The following SALL3 variants were observed in gnomAD, a reference collection of about 807,000 sequenced individuals.
SALL3 encodes the protein spalt like transcription factor 3.
SALL3 carries 25 observed loss-of-function variants against 66.2 expected under a neutral mutation model. That is an observed-to-expected ratio of 0.38 (90% CI 0.28 to 0.53). SALL3 has a LOEUF of 0.53. SALL3 is among the 20% of genes least tolerant of loss of function. The pLI, the probability that SALL3 is intolerant of heterozygous loss-of-function variation, is 0.85. For synonymous variants in SALL3, 1,152 were observed against 899.1 expected (o/e 1.28, Z -5.03); for missense variants, 2,194 against 1,916.5 (o/e 1.14, Z -2.70).
chr18:78,994,817 C>G lies in SALL3; in HGVS notation c.2826C>G (p.Ala942=). ...AGACCGAGAGGCCGGACAGCCCAGC[C>G]GCCGCCCCGGGCAGCGGAGGCGCCC... ...PLKTERPDSP[A]AAPGSGGAPG... Residue 942 remains alanine (A), a synonymous_variant, in exon 2 of 3, where the codon GCC becomes GCG. Transcript: ENST00000537592. 1 of 1,595,474 alleles carries G rather than the reference C, an allele frequency of 6.3e-7. No homozygotes were observed. The highest frequency in any genetic ancestry group is 8.5e-7 in the Non-Finnish European group (1 of 1,172,346).
chr18:78,985,706 T>C (rs991857277), intron 1 of SALL3, among the ~76,000 whole-genome samples: 8 of 152,218 alleles, frequency 5.3e-5, no homozygotes, highest in African/African-American at 1.9e-4. Context: ...CATGTGCCCC[T>C]CTAGAGCTAT....
In SALL3 at chr18:78,997,230, A is replaced by G. The variant is rs768661573; in HGVS notation, c.3811A>G (p.Ile1271Val). The change falls in exon 3 of 3, where the codon ATC becomes GTC. Residue 1271 changes from isoleucine (I) to valine (V), a missense_variant. Coordinates refer to ENST00000537592, the MANE Select transcript of SALL3 (RefSeq NM_171999.4). ...AGCACGCACTGGCAGTAGCCCACCC[A>G]TCGTCAGCTTGGACAAAGCGAGCTC... is the stretch of plus-strand genomic sequence containing the variant. ...DKARTGSSPP[I>V]VSLDKASSET... 4.3e-6 allele frequency: 7 copies of G among 1,613,850 alleles called. No homozygotes were observed. The Admixed American group carries it at 1.0e-4, about 23-fold the overall frequency.
Position 78,993,540 on chromosome 18 carries a change from C to A in SALL3, c.1549C>A (p.Pro517Thr). ...CGTGACCACCTGGCTGGACAGCAAG[C>A]CCGTGCTGCCCACCGTGCCCACGTC... is the stretch of plus-strand genomic sequence containing the variant. Reference protein sequence around the residue: ...KPVTTWLDSKPVLPTVPTSVG... With the variant: ...KPVTTWLDSKTVLPTVPTSVG... Residue 517 changes from proline (P) to threonine (T), a missense_variant, in exon 2 of 3, where the codon CCC becomes ACC. By Grantham distance (38) the Pro-to-Thr change is conservative. Transcript: ENST00000537592. 1 of 1,594,946 alleles carries A rather than the reference C, an allele frequency of 6.3e-7. No homozygotes were observed. The highest frequency in any genetic ancestry group is 8.5e-7 in the Non-Finnish European group (1 of 1,173,762).
At chr18:78,985,428 G>A (rs932553193) in intron 1 of SALL3, among the ~76,000 whole-genome samples, 5 of 152,214 alleles carry the variant, frequency 3.3e-5, no homozygotes, top group Non-Finnish European at 7.3e-5. Flanking sequence ...ATTCGTCGGC[G>A]TTACTGGTCT....
chr18:78,980,447 C>A (rs1214318868), intron 1 of SALL3, 91 bp downstream of exon 1: 11 of 760,072 alleles, frequency 1.4e-5, no homozygotes, highest in African/African-American at 1.3e-4. Context: ...TGCGCGCGTC[C>A]GGGAGCGGGA....
Position 78,992,874 on chromosome 18 carries a change from C to G in SALL3, c.883C>G (p.Pro295Ala). The change falls in exon 2 of 3, where the codon CCC becomes GCC. Residue 295 changes from proline to alanine, a missense_variant. Coordinates refer to ENST00000537592, the MANE Select transcript of SALL3 (RefSeq NM_171999.4). Reference protein sequence around the residue: ...AFEGAQPLSRPESGASTPGGP... With the variant: ...AFEGAQPLSRAESGASTPGGP... ...CGAGGGCGCGCAGCCGCTGTCCCGG[C>G]CCGAGTCTGGCGCCAGCACCCCCGG... The G allele has an allele frequency of 1.0e-6, 1 of 986,030 alleles. No individual in the cohort carries two copies. The highest frequency in any genetic ancestry group is 1.2e-6 in the Non-Finnish European group (1 of 832,054). The allele number at this position is 986,030 out of a possible 1,614,324, so 61.1% of individuals were successfully genotyped here. A position where few individuals can be genotyped will look rare whatever the true frequency, so the allele number is the denominator to read the frequency against.
At chr18:78,990,635 T>G (rs1231697570) in intron 1 of SALL3, among the ~76,000 whole-genome samples, 1 of 152,224 alleles carries the variant, frequency 6.6e-6, no homozygotes, top group Admixed American at 6.5e-5. Flanking sequence ...TTGTTGATGT[T>G]CTAACAGTAA....
At chr18:78,995,510 C>G in intron 2 of SALL3, 48 bp downstream of exon 2, 1 of 1,496,904 alleles carries the variant, frequency 6.7e-7, no homozygotes, top group Non-Finnish European at 8.8e-7. Context: ...GGCCGAGCCA[C>G]GGTGGCTTTC....
intron 1 of SALL3, among the ~76,000 whole-genome samples, chr18:78,980,932 G>C (rs1914037587): frequency 6.6e-6 from 1 of 152,216 alleles, no homozygotes; most frequent in Admixed American, 6.5e-5. Context: ...TCTGCCTAAT[G>C]GCCGCCCGGG....
chr18:78,995,257 G>T lies in SALL3; in HGVS notation c.3266G>T (p.Gly1089Val). 6.3e-7 allele frequency: 1 copy of T among 1,597,106 alleles called. No individual in the cohort carries two copies. ...CCCGCGGGCGTCCAGGTCCCCGCCG[G>T]GCCTCAGACAGTGATGGGCCCGGGC... ...PLPAGVQVPA[G>V]PQTVMGPGLA... The change falls in exon 2 of 3, where the codon GGG (glycine) becomes GTG (valine). Residue 1089 changes from glycine (G) to valine (V), a missense_variant. Transcript: ENST00000537592.
chr18:78,984,449 A>G (rs1235359045), intron 1 of SALL3, among the ~76,000 whole-genome samples: 1 of 149,470 alleles, frequency 6.7e-6, no homozygotes, highest in Non-Finnish European at 1.5e-5. Context: ...TGTTTTTATT[A>G]GTTTTATTTT....
At chr18:78,980,728 G>GCCT (rs1914020187) in intron 1 of SALL3, among the ~76,000 whole-genome samples, 1 of 113,020 alleles carries the variant, frequency 8.8e-6, no homozygotes, top group Admixed American at 8.0e-5. Flanking sequence ...GCTGAGGCCG[G>GCCT]CGGCGGCGGG....
intron 1 of SALL3, among the ~76,000 whole-genome samples, chr18:78,982,454 T>A (rs913055353): frequency 6.6e-6 from 1 of 152,198 alleles, no homozygotes; most frequent in Non-Finnish European, 1.5e-5. Context: ...GCAGCTCACA[T>A]GCTTGTTTGA....
chr18:78,980,231 G>T lies in SALL3; in HGVS notation c.-44G>T. On this transcript the variant is annotated 5_prime_UTR_variant, in exon 1 of 3. Transcript: ENST00000537592. ...CCGCGCCGTCCCCGCCGGCCGCCCCGCTGATGCCGCTGCCCCGCGCGGGGC... is the reference window on the plus strand; with the variant it reads ...CCGCGCCGTCCCCGCCGGCCGCCCCTCTGATGCCGCTGCCCCGCGCGGGGC... 1 of 1,020,998 alleles carries T rather than the reference G, an allele frequency of 9.8e-7. No homozygotes were observed. Among genetic ancestry groups the T allele is most frequent in the Non-Finnish European group, 1.2e-6 (1 of 846,376 alleles). The allele number at this position is 1,020,998 out of a possible 1,614,324, so 63.2% of individuals were successfully genotyped here.
rs1384720612 is a variant in SALL3, at chr18:78,992,141, C to T, written c.150C>T (p.Thr50=). ...GPESRSGGEE[T]SVCEKCCAEF... ...AGAGCCGCAGCGGGGGCGAGGAGAC[C>T]AGCGTGTGCGAGAAATGCTGCGCCG... Residue 50 remains threonine (T), a synonymous_variant, in exon 2 of 3, where the codon ACC becomes ACT. Transcript: ENST00000537592. The T allele has an allele frequency of 6.2e-7, 1 of 1,606,456 alleles. No homozygotes were observed.
At position 78,997,482 on chromosome 18, in the gene SALL3, C is replaced by G. The variant is rs1407898870; in HGVS notation, c.*160C>G. 1 of 653,430 alleles carries G rather than the reference C, an allele frequency of 1.5e-6. No homozygotes were observed. The highest frequency in any genetic ancestry group is 2.6e-6 in the Non-Finnish European group (1 of 383,782). The allele number at this position is 653,430 out of a possible 1,614,324, so 40.5% of individuals were successfully genotyped here. A position where few individuals can be genotyped will look rare whatever the true frequency, so the allele number is the denominator to read the frequency against. ...GGTCTTGTAAGCGCTGCATGGCGCT[C>G]CCTTCAACAGCAAGCCTGACTGTTC... On this transcript the variant is annotated 3_prime_UTR_variant, in exon 3 of 3. Coordinates refer to ENST00000537592, the MANE Select transcript of SALL3 (RefSeq NM_171999.4).
At position 78,993,766 on chromosome 18, in the gene SALL3, C is replaced by T. The variant is rs866298280; in HGVS notation, c.1775C>T (p.Pro592Leu). Reference protein sequence around the residue: ...ESPQSLLGGPPLTKAEPVSLP... With the variant: ...ESPQSLLGGPLLTKAEPVSLP... ...CCACAGTCGCTCCTCGGCGGGCCGCCCCTCACTAAAGCCGAGCCCGTCAGC... is the reference window on the plus strand; with the variant it reads ...CCACAGTCGCTCCTCGGCGGGCCGCTCCTCACTAAAGCCGAGCCCGTCAGC... The change falls in exon 2 of 3, where the codon CCC becomes CTC. Residue 592 changes from proline to leucine, a missense_variant. By Grantham distance (98) the Pro-to-Leu change is moderately conservative. Coordinates refer to ENST00000537592, the MANE Select transcript of SALL3 (RefSeq NM_171999.4). 18 of 1,547,516 alleles carry T rather than the reference C, an allele frequency of 1.2e-5. No homozygotes were observed. Among genetic ancestry groups the T allele is most frequent in the Non-Finnish European group, 1.6e-5 (18 of 1,156,606 alleles).
In SALL3 at chr18:78,993,462, G is replaced by A. The variant is rs1245434668; in HGVS notation, c.1471G>A (p.Val491Met). 4 of 1,612,624 alleles carry A rather than the reference G, an allele frequency of 2.5e-6. No individual in the cohort carries two copies. The South Asian group carries it at 3.3e-5, about 13-fold the overall frequency. The change falls in exon 2 of 3, where the codon GTG becomes ATG. Residue 491 changes from valine to methionine, a missense_variant. Val to Met is a conservative substitution (Grantham distance 21). Coordinates refer to ENST00000537592, the MANE Select transcript of SALL3 (RefSeq NM_171999.4). Reference protein sequence around the residue: ...PYPVPEYLDNVPTCSGIPYGM... With the variant: ...PYPVPEYLDNMPTCSGIPYGM... ...CCCGGTCCCCGAGTACCTGGACAAC[G>A]TGCCCACCTGCTCGGGCATCCCCTA...
rs757352486 is a variant in SALL3 at position 78,993,695 on chromosome 18, A to C, written c.1704A>C (p.Pro568=). 3.8e-6 allele frequency: 6 copies of C among 1,576,102 alleles called. No homozygotes were observed. The highest frequency in any genetic ancestry group is 2.3e-5 in the East Asian group (1 of 44,232). ...PASSECASLS[P]GLNHVESGVS... is the part of the protein sequence containing the mutation. ...CCAGCGAGTGCGCCTCCTTGTCCCCAGGCCTCAACCACGTGGAGTCCGGCG... is the reference window on the plus strand; with the variant it reads ...CCAGCGAGTGCGCCTCCTTGTCCCCCGGCCTCAACCACGTGGAGTCCGGCG... The change falls in exon 2 of 3, where the codon CCA becomes CCC. Residue 568 remains proline (P), a synonymous_variant. Transcript: ENST00000537592.
Sources: allele counts gnomAD v4.1 joint callset (sites outside exome capture counted in the v4.1 genomes callset), GRCh38; gene constraint gnomAD v4.1.1; transcripts MANE v1.5; gene names NCBI Gene and HGNC (gene_info 2026-07-23, HGNC 2026-07-21).